The following CDH2 variants were observed in gnomAD, a reference collection of about 807,000 sequenced individuals.
CDH2 encodes cadherin 2.
CDH2 carries 17 observed loss-of-function variants against 92.0 expected under a neutral mutation model. The ratio of observed to expected loss-of-function variants is 0.18; its 90% CI spans 0.13 to 0.28. CDH2 has a LOEUF of 0.28. Ranked by LOEUF, CDH2 falls within the 10% of genes least tolerant of loss-of-function variation. CDH2 has a pLI of 1.00. For missense variants in CDH2, 862 were observed against 1,133.1 expected (o/e 0.76, Z 3.44); for synonymous variants, 419 against 415.9 (o/e 1.01, Z -0.09).
chr18:28,053,486 C>A (rs1323041864), intron 2 of CDH2, among the ~76,000 whole-genome samples: 1 of 152,114 alleles, frequency 6.6e-6, no homozygotes, highest in East Asian at 1.9e-4. Context: ...GTTATTCATG[C>A]TAAATGAAAG....
At chr18:27,968,515 A>G (rs1056603092) in intron 14 of CDH2, among the ~76,000 whole-genome samples, 2 of 152,206 alleles carry the variant, frequency 1.3e-5, no homozygotes, top group African/African-American at 4.8e-5. Context: ...GTTGGTTAAA[A>G]TAAGACTAAC....
At chr18:28,127,233 C>G (rs1044339784) in intron 2 of CDH2, among the ~76,000 whole-genome samples, 1 of 152,176 alleles carries the variant, frequency 6.6e-6, no homozygotes, top group South Asian at 2.1e-4. Context: ...ATCATCCTAT[C>G]CACCAACCTG....
chr18:28,025,810 A>G (rs1467920799), intron 2 of CDH2, among the ~76,000 whole-genome samples: 1 of 152,002 alleles, frequency 6.6e-6, no homozygotes, highest in African/African-American at 2.4e-5. Context: ...GTATATATTT[A>G]GTAGTGCATA....
intron 2 of CDH2, among the ~76,000 whole-genome samples, chr18:28,095,505 G>A (rs1316974016): frequency 2.0e-5 from 3 of 152,086 alleles, no homozygotes; most frequent in African/African-American, 7.2e-5. Context: ...CAGAAAAGGG[G>A]ACACAGGCAG....
intron 15 of CDH2, among the ~76,000 whole-genome samples, chr18:27,955,267 G>T (rs1346864261): frequency 6.6e-6 from 1 of 151,320 alleles, no homozygotes; most frequent in African/African-American, 2.4e-5. Flanking sequence ...ACCTAATGTA[G>T]ATGATGGGTT....
intron 2 of CDH2, among the ~76,000 whole-genome samples, chr18:28,123,629 T>G (rs1310436490): frequency 6.6e-6 from 1 of 152,170 alleles, no homozygotes; most frequent in African/African-American, 2.4e-5. Flanking sequence ...AAACATAATT[T>G]TGATCGTGCT....
chr18:28,013,596 A>T, intron 3 of CDH2, 87 bp downstream of exon 3: 1 of 897,012 alleles, frequency 1.1e-6, no homozygotes, highest in Admixed American at 1.9e-5. Context: ...CCATCCATTA[A>T]TGTGGTCTGA....
intron 9 of CDH2, among the ~76,000 whole-genome samples, chr18:27,991,583 A>G (rs1449567252): frequency 6.6e-6 from 1 of 152,226 alleles, no homozygotes; most frequent in Non-Finnish European, 1.5e-5. Context: ...ATCTCTCAGA[A>G]CACTATGACT....
chr18:28,123,778 CTGTT>C (rs2015630678), intron 2 of CDH2, among the ~76,000 whole-genome samples: 2 of 152,108 alleles, frequency 1.3e-5, no homozygotes, highest in African/African-American at 2.4e-5. Flanking sequence ...AAACCCCTAA[CTGTT>C]TGCAAGACCA....
intron 1 of CDH2, among the ~76,000 whole-genome samples, chr18:28,176,019 A>G (rs2016534845): frequency 6.6e-6 from 1 of 152,122 alleles, no homozygotes; most frequent in South Asian, 2.1e-4. Flanking sequence ...AGGCGGCGGA[A>G]AGTTGGGCTG....
intron 5 of CDH2, among the ~76,000 whole-genome samples, chr18:28,008,014 G>T (rs993568401): frequency 3.3e-5 from 5 of 152,172 alleles, no homozygotes; most frequent in Admixed American, 1.3e-4. Flanking sequence ...GATTCCGGGC[G>T]TGAGCCACCA....
intron 2 of CDH2, among the ~76,000 whole-genome samples, chr18:28,147,267 AAAT>A (rs1481301822): frequency 6.6e-6 from 1 of 152,074 alleles, no homozygotes; most frequent in Non-Finnish European, 1.5e-5. Flanking sequence ...TTATCTAATA[AAAT>A]ATTATAATAA....
chr18:28,007,165 A>AAAAAAAATATAT (rs1172779200), intron 5 of CDH2, among the ~76,000 whole-genome samples: 112 of 110,442 alleles, frequency 1.0e-3, no homozygotes, highest in African/African-American at 4.8e-3. Context: ...ATAAAAAAAA[A>AAAAAAAATATAT]ATATATATAT....
At chr18:27,990,481 G>C in intron 9 of CDH2, 131 bp from the exon 10 acceptor site, 1 of 799,466 alleles carries the variant, frequency 1.3e-6, no homozygotes, top group Non-Finnish European at 1.9e-6. Flanking sequence ...TTCCTCTCAA[G>C]TTTCTGGAAA....
At chr18:27,997,032 G>A (rs1267968842) in intron 7 of CDH2, among the ~76,000 whole-genome samples, 1 of 152,060 alleles carries the variant, frequency 6.6e-6, no homozygotes, top group East Asian at 1.9e-4. Flanking sequence ...TTAATTTATT[G>A]TAAAAGTCCC....
chr18:28,066,627 T>C (rs559726421), intron 2 of CDH2, among the ~76,000 whole-genome samples: 4 of 152,244 alleles, frequency 2.6e-5, no homozygotes, highest in South Asian at 4.1e-4. Context: ...ACTGAAAAGC[T>C]GCTACAACTC....
At chr18:27,955,520 T>A (rs12051960) in intron 15 of CDH2, among the ~76,000 whole-genome samples, 2 of 151,646 alleles carry the variant, frequency 1.3e-5, no homozygotes, top group East Asian at 3.9e-4. Context: ...GTTTACTATG[T>A]CCAGGGAATA....
Position 27,988,677 on chromosome 18 carries a change from A to G in CDH2, c.1599-11T>C. 1 of 1,578,984 alleles carries G rather than the reference A, an allele frequency of 6.3e-7. No individual in the cohort carries two copies. Among genetic ancestry groups the G allele is most frequent in the South Asian group, 1.1e-5 (1 of 88,736 alleles). ...GATAATTTAGTGTATCTACAAAATGAAAGTGAAGTTTAATTTCTTTTTATG... is the reference window on the plus strand; with the variant it reads ...GATAATTTAGTGTATCTACAAAATGGAAGTGAAGTTTAATTTCTTTTTATG... On this transcript the variant is annotated splice_polypyrimidine_tract_variant and intron_variant, in intron 10 of 15. Transcript: ENST00000269141.
chr18:28,160,749 GAAGGGAAAGTCTCA>G (rs2144352987), intron 1 of CDH2, among the ~76,000 whole-genome samples: 1 of 152,296 alleles, frequency 6.6e-6, no homozygotes, highest in South Asian at 2.1e-4. Context: ...CAAGGGAGAC[GAAGGGAAAGTCTCA>G]AAGGGAAAGC....
Sources: gnomAD v4.1 joint callset for allele counts (sites outside exome capture counted in the v4.1 genomes callset) on GRCh38, gnomAD v4.1.1 for gene constraint, MANE v1.5 for transcripts, NCBI Gene and HGNC (gene_info 2026-07-23, HGNC 2026-07-21) for gene names.